SNX29: variants seen among roughly 807,000 people sequenced by gnomAD.
The protein encoded by SNX29 is sorting nexin-29.
In SNX29, 78 loss-of-function variants were observed where a neutral mutation model predicts 102.1. The ratio of observed to expected loss-of-function variants is 0.76; its 90% CI spans 0.64 to 0.92. SNX29 has a LOEUF of 0.92. SNX29 is among the 40% of genes least tolerant of loss of function. The pLI, the probability that SNX29 is intolerant of heterozygous loss-of-function variation, is 0.00. For synonymous variants in SNX29, 580 were observed against 414.5 expected (o/e 1.40, Z -4.85); for missense variants, 1,280 against 1,061.7 (o/e 1.21, Z -2.86).
chr16:12,534,263 C>T (rs930022973), intron 20 of SNX29, among the ~76,000 whole-genome samples: 6 of 152,310 alleles, frequency 3.9e-5, no homozygotes, highest in South Asian at 2.1e-4. Flanking sequence ...GCCCAAGCAC[C>T]GCCGGCACAC....
intron 18 of SNX29, among the ~76,000 whole-genome samples, chr16:12,425,538 AAAAAAATAAAAAAAAT>A (rs1310655756): frequency 2.2e-5 from 3 of 136,278 alleles, no homozygotes; most frequent in Admixed American, 7.7e-5. Flanking sequence ...TTAAAAAAAA[AAAAAAATAAAAAAAAT>A]AAAAAGAGGG....
At chr16:12,034,383 C>T (rs1274988064) in intron 4 of SNX29, among the ~76,000 whole-genome samples, 1 of 152,080 alleles carries the variant, frequency 6.6e-6, no homozygotes, top group Non-Finnish European at 1.5e-5. Context: ...GTAAGGGAAG[C>T]CTTGGAAGGA....
At chr16:12,003,212 C>T (rs13336813) in intron 3 of SNX29, among the ~76,000 whole-genome samples, 169 bp downstream of exon 3, 15,137 of 152,160 alleles carry the variant, frequency 0.099, 873 homozygotes, top group African/African-American at 0.15. Flanking sequence ...TTGACTCAAC[C>T]GTGGACTCTG....
chr16:12,478,383 C>G (rs866157708), intron 19 of SNX29, among the ~76,000 whole-genome samples: 1 of 152,218 alleles, frequency 6.6e-6, no homozygotes, highest in Non-Finnish European at 1.5e-5. Flanking sequence ...TGGAGTAGAA[C>G]TTTCTCAGAG....
At chr16:12,446,583 T>C (rs1160741453) in intron 18 of SNX29, among the ~76,000 whole-genome samples, 1 of 152,184 alleles carries the variant, frequency 6.6e-6, no homozygotes, top group Non-Finnish European at 1.5e-5. Context: ...TTGCTCAGAA[T>C]AGGAGCCAGT....
At chr16:12,534,773 C>G (rs957872520) in intron 20 of SNX29, among the ~76,000 whole-genome samples, 3 of 152,196 alleles carry the variant, frequency 2.0e-5, no homozygotes, top group Admixed American at 6.5e-5. Flanking sequence ...GCGTCTACCC[C>G]TCTGGTTTTT....
chr16:12,244,255 A>T (rs2078196893), intron 14 of SNX29, among the ~76,000 whole-genome samples: 1 of 152,144 alleles, frequency 6.6e-6, no homozygotes, highest in Non-Finnish European at 1.5e-5. Flanking sequence ...CCCCTGCCTT[A>T]GGGTGCCAAA....
chr16:12,027,554 G>A, intron 4 of SNX29, 110 bp downstream of exon 4: 1 of 1,374,936 alleles, frequency 7.3e-7, no homozygotes, highest in Non-Finnish European at 9.8e-7. Context: ...GGACTTGGTG[G>A]GGTGGTGTAT....
At chr16:12,553,398 G>C (rs947358400) in intron 20 of SNX29, among the ~76,000 whole-genome samples, 9 of 152,192 alleles carry the variant, frequency 5.9e-5, no homozygotes, top group Non-Finnish European at 1.2e-4. Flanking sequence ...CATATAAGTA[G>C]TTCTGGTGGT....
At chr16:12,415,722 C>T (rs1449778911) in intron 18 of SNX29, among the ~76,000 whole-genome samples, 1 of 152,148 alleles carries the variant, frequency 6.6e-6, no homozygotes, top group African/African-American at 2.4e-5. Context: ...GGTAGATGGA[C>T]TCTCCTCCCC....
intron 14 of SNX29, among the ~76,000 whole-genome samples, chr16:12,276,329 C>T (rs1364416836): frequency 6.6e-6 from 1 of 152,176 alleles, no homozygotes; most frequent in Non-Finnish European, 1.5e-5. Flanking sequence ...GGGTCACTCC[C>T]TGCATTCGTG....
At position 12,571,036 on chromosome 16, in the gene SNX29, C is replaced by T; in HGVS notation, c.*2407C>T. Reference sequence around the variant, plus strand: ...GTCATCTCGCAGATCCAGACCATCTCCTCTCATTCTCACTCTAAAAATGCT... The same window carrying T: ...GTCATCTCGCAGATCCAGACCATCTTCTCTCATTCTCACTCTAAAAATGCT... On this transcript the variant is annotated 3_prime_UTR_variant, in exon 21 of 21. Transcript: ENST00000566228. 1 of 232,860 alleles carries T rather than the reference C, an allele frequency of 4.3e-6. No individual in the cohort carries two copies. The highest frequency in any genetic ancestry group is 8.5e-6 in the Non-Finnish European group (1 of 117,772). The allele number at this position is 232,860 out of a possible 1,614,324, so 14.4% of individuals were successfully genotyped here. A position where few individuals can be genotyped will look rare whatever the true frequency, so the allele number is the denominator to read the frequency against.
chr16:12,284,690 G>GAACTTGCC (rs1435571070), intron 15 of SNX29, among the ~76,000 whole-genome samples: 1 of 151,002 alleles, frequency 6.6e-6, no homozygotes, highest in Non-Finnish European at 1.5e-5. Flanking sequence ...TTTCTGTGTT[G>GAACTTGCC]AACTTGCCAG....
intron 20 of SNX29, among the ~76,000 whole-genome samples, chr16:12,545,160 T>C (rs777842081): frequency 3.3e-5 from 5 of 152,136 alleles, no homozygotes; most frequent in Non-Finnish European, 7.4e-5. Context: ...ACAGACACTC[T>C]GCCAGCCGTC....
intron 14 of SNX29, among the ~76,000 whole-genome samples, chr16:12,242,212 A>G (rs745844741): frequency 1.3e-5 from 2 of 151,992 alleles, no homozygotes; most frequent in Non-Finnish European, 2.9e-5. Context: ...ATTGCTTGTG[A>G]GCGGTGGACT....
At chr16:12,566,189 C>G (rs940758363) in intron 20 of SNX29, among the ~76,000 whole-genome samples, 1 of 152,108 alleles carries the variant, frequency 6.6e-6, no homozygotes, top group Non-Finnish European at 1.5e-5. Context: ...GCCCTTGAAT[C>G]CTTACCACCA....
At chr16:12,089,694 C>T (rs989906658) in intron 11 of SNX29, 5 of 202,808 alleles carry the variant, frequency 2.5e-5, no homozygotes, top group Middle Eastern at 5.6e-4. Flanking sequence ...GAGAGGGTGG[C>T]TCGTGTAGAT....
At chr16:12,524,672 C>G in intron 19 of SNX29, 30 bp from the exon 20 acceptor site, 8 of 1,608,558 alleles carry the variant, frequency 5.0e-6, no homozygotes, top group Non-Finnish European at 6.8e-6. Context: ...GGAAGACGTA[C>G]CAAAGCGAAG....
At chr16:12,374,215 C>T (rs578203713) in intron 16 of SNX29, 1 of 152,360 alleles carries the variant, frequency 6.6e-6, no homozygotes, top group East Asian at 1.9e-4. Context: ...CTTCCCTACG[C>T]CAGGGACTGA....
Sources: allele counts gnomAD v4.1 joint callset (sites outside exome capture counted in the v4.1 genomes callset), GRCh38; gene constraint gnomAD v4.1.1; transcripts MANE v1.5; gene names NCBI Gene and HGNC (gene_info 2026-07-23, HGNC 2026-07-21).